Variants in FDFT1 observed in about 807,000 individuals in gnomAD.
FDFT1 encodes the protein farnesyl-diphosphate farnesyltransferase 1, also known as squalene synthase.
A neutral mutation model predicts 46.8 loss-of-function variants in FDFT1; 68 were observed. The ratio of observed to expected loss-of-function variants is 1.45; its 90% CI spans 1.19 to 1.78. FDFT1 has a LOEUF of 1.78. Ranked by LOEUF, FDFT1 falls within the 40% of genes most tolerant of loss-of-function variation. FDFT1 has a pLI of 0.00. For synonymous variants in FDFT1, 351 were observed against 185.1 expected (o/e 1.90, Z -7.28); for missense variants, 928 against 524.4 (o/e 1.77, Z -7.52).
chr8:11,818,291 A>G (rs1356543442), intron 3 of FDFT1, among the ~76,000 whole-genome samples: 1 of 152,220 alleles, frequency 6.6e-6, no homozygotes, highest in Non-Finnish European at 1.5e-5. Context: ...TTCTGTGGTC[A>G]ATTTTAGAAT....
chr8:11,810,890 A>T (rs1807620740), intron 3 of FDFT1, among the ~76,000 whole-genome samples: 1 of 150,730 alleles, frequency 6.6e-6, no homozygotes, highest in South Asian at 2.1e-4. Flanking sequence ...CCTCCACCCA[A>T]ACAAAAGAAT....
intron 2 of FDFT1, 69 bp downstream of exon 2, chr8:11,808,960 C>G (rs766070450): frequency 1.9e-4 from 291 of 1,567,230 alleles, no homozygotes; most frequent in Non-Finnish European, 2.4e-4. Flanking sequence ...GTGTTGGAAG[C>G]TACCTTTTGA....
intron 3 of FDFT1, among the ~76,000 whole-genome samples, chr8:11,811,115 A>T (rs189154434): frequency 1.4e-4 from 22 of 152,270 alleles, no homozygotes; most frequent in African/African-American, 4.8e-4. Flanking sequence ...TCAAGAGAAG[A>T]AAGAAAATTT....
At chr8:11,835,372 T>G (rs1000704385) in intron 7 of FDFT1, among the ~76,000 whole-genome samples, 1 of 152,214 alleles carries the variant, frequency 6.6e-6, no homozygotes, top group Admixed American at 6.5e-5. Flanking sequence ...AGTCCACGTC[T>G]GAGTACCAGT....
chr8:11,808,138 G>A, intron 1 of FDFT1: 1 of 498,172 alleles, frequency 2.0e-6, no homozygotes, highest in Non-Finnish European at 2.7e-6. Flanking sequence ...AATTTAGCAG[G>A]ATTCTTGGTA....
chr8:11,802,878 C>T lies in FDFT1; in HGVS notation c.46C>T (p.Leu16=), dbSNP rs761503754. 3 of 1,612,470 alleles carry T rather than the reference C, an allele frequency of 1.9e-6. No individual in the cohort carries two copies. The highest frequency in any genetic ancestry group is 4.5e-5 in the East Asian group (2 of 44,834). ...CLGHPEEFYN[L]VRFRIGGKRK... ...TGGCCACCCCGAAGAGTTCTACAAC[C>T]TGGTGCGCTTCCGGATCGGGGGCAA... Residue 16 remains leucine, a synonymous_variant, in exon 1 of 8, where the codon CTG becomes TTG. Coordinates refer to ENST00000220584, the MANE Select transcript of FDFT1 (RefSeq NM_004462.5).
chr8:11,800,260 C>CAAAAA (rs57381182), upstream of FDFT1, among the ~76,000 whole-genome samples: 3 of 57,912 alleles, frequency 5.2e-5, no homozygotes, highest in African/African-American at 1.6e-4. Flanking sequence ...AATTCTGTCT[C>CAAAAA]AAAAAAAAAA....
intron 7 of FDFT1, among the ~76,000 whole-genome samples, chr8:11,836,680 A>G (rs1811577232): frequency 6.6e-6 from 1 of 152,270 alleles, no homozygotes; most frequent in Non-Finnish European, 1.5e-5. Flanking sequence ...ATGGGCAGGC[A>G]GAAGGATGAC....
At chr8:11,802,429 C>G (rs899655073), upstream of FDFT1, 37 of 459,026 alleles carry the variant, frequency 8.1e-5, no homozygotes, top group African/African-American at 7.0e-4. Flanking sequence ...ACCTCCAGTC[C>G]CCACAGCGTT....
intron 3 of FDFT1, among the ~76,000 whole-genome samples, chr8:11,812,744 A>G (rs921616454): frequency 2.0e-5 from 3 of 152,188 alleles, no homozygotes; most frequent in South Asian, 4.1e-4. Flanking sequence ...GCCTCAATAC[A>G]GTGTTCTAAC....
intron 4 of FDFT1, among the ~76,000 whole-genome samples, chr8:11,825,056 C>T (rs985509954): frequency 6.6e-6 from 1 of 152,120 alleles, no homozygotes; most frequent in Admixed American, 6.6e-5. Context: ...GTTCTTAAAA[C>T]CGTGTCAAGA....
chr8:11,803,728 A>T (rs1806444411), intron 1 of FDFT1: 1 of 201,976 alleles, frequency 5.0e-6, no homozygotes, highest in African/African-American at 2.3e-5. Flanking sequence ...AGCAAATGTG[A>T]CTCAGGCCGA....
chr8:11,797,638 C>CAAAAAAAAAAAAAAAAAAAAAAAAAA (rs34350077), upstream of FDFT1, among the ~76,000 whole-genome samples: 3 of 75,524 alleles, frequency 4.0e-5, no homozygotes, highest in Non-Finnish European at 4.6e-5. Flanking sequence ...CACACACACT[C>CAAAAAAAAAAAAAAAAAAAAAAAAAA]AAAAAAAAAA....
rs373449722 is a variant in FDFT1, at chr8:11,821,800, C to G, written c.432C>G (p.Ala144=). The G allele has an allele frequency of 1.5e-5, 24 of 1,613,540 alleles. No individual in the cohort carries two copies. The highest frequency in any genetic ancestry group is 2.0e-5 in the Non-Finnish European group (24 of 1,179,668). ...CTGAGAAATACCAAACAGTGATTGC[C>G]GACATTTGCCGGAGAATGGGCATTG... ...NLAEKYQTVI[A]DICRRMGIGM... The change falls in exon 4 of 8, where the codon GCC becomes GCG. Residue 144 remains alanine, a synonymous_variant. Coordinates refer to ENST00000220584, the MANE Select transcript of FDFT1 (RefSeq NM_004462.5).
chr8:11,829,928 A>T (rs1333756118), intron 5 of FDFT1, among the ~76,000 whole-genome samples: 1 of 151,134 alleles, frequency 6.6e-6, no homozygotes, highest in Non-Finnish European at 1.5e-5. Context: ...ACTCACTGCA[A>T]CCTCCGCCCC....
rs535347060 is a variant in FDFT1, at chr8:11,805,037, C to G, written c.99+2106C>G. Among the ~76,000 whole-genome samples the G allele has an allele frequency of 1.9e-4, 28 of 150,908 alleles. No individual in the cohort carries two copies. The South Asian group carries it at 5.0e-3, about 27-fold the overall frequency. ...CATCCTCCCACCTCGGCTTCCTGATCCCGAGTAGCTGGGACTCCAGGCACG... is the reference window on the plus strand; with the variant it reads ...CATCCTCCCACCTCGGCTTCCTGATGCCGAGTAGCTGGGACTCCAGGCACG... On this transcript the variant is annotated intron_variant, in intron 1 of 7. Transcript: ENST00000220584.
chr8:11,801,166 A>G (rs142893787), upstream of FDFT1, among the ~76,000 whole-genome samples: 2,826 of 152,276 alleles, frequency 0.019, 40 homozygotes, highest in Middle Eastern at 0.048. Context: ...CAGCTAGACA[A>G]AAAGTCCTAG....
intron 3 of FDFT1, among the ~76,000 whole-genome samples, chr8:11,818,557 C>T (rs1585925662): frequency 6.6e-6 from 1 of 152,162 alleles, no homozygotes; most frequent in African/African-American, 2.4e-5. Flanking sequence ...GTATTGGGTA[C>T]ATATATGTTT....
At chr8:11,818,062 C>T (rs1216445215) in intron 3 of FDFT1, among the ~76,000 whole-genome samples, 1 of 152,172 alleles carries the variant, frequency 6.6e-6, no homozygotes, top group Non-Finnish European at 1.5e-5. Context: ...TATGTTGTGT[C>T]TTTGTTCTCA....
Sources: gnomAD v4.1 joint callset for allele counts (sites outside exome capture counted in the v4.1 genomes callset) on GRCh38, gnomAD v4.1.1 for gene constraint, MANE v1.5 for transcripts, NCBI Gene and HGNC (gene_info 2026-07-23, HGNC 2026-07-21) for gene names.